The following PLA2G4A variants were observed in gnomAD, a reference collection of about 807,000 sequenced individuals.
The protein encoded by PLA2G4A is cytosolic phospholipase A2.
Under a neutral mutation model 81.9 loss-of-function variants are expected in PLA2G4A, and 40 were observed. The observed-to-expected ratio is 0.49, with a 90% CI of 0.38 to 0.64. The LOEUF is 0.64. Ranked by LOEUF, PLA2G4A falls within the 30% of genes least tolerant of loss-of-function variation. The pLI, the probability that PLA2G4A is intolerant of heterozygous loss-of-function variation, is 0.00. For missense variants in PLA2G4A, 715 were observed against 905.1 expected (o/e 0.79, Z 2.69); for synonymous variants, 302 against 296.9 (o/e 1.02, Z -0.18).
At chr1:186,897,867 G>A (rs1182821351) in intron 5 of PLA2G4A, among the ~76,000 whole-genome samples, 2 of 152,114 alleles carry the variant, frequency 1.3e-5, no homozygotes, top group African/African-American at 4.8e-5. Context: ...ATATGGGTAT[G>A]TTGCATGATA....
At chr1:186,988,345 G>A (rs539941240) in intron 17 of PLA2G4A, 32 bp from the exon 18 acceptor site, 151 of 1,575,050 alleles carry the variant, frequency 9.6e-5, no homozygotes, top group Non-Finnish European at 1.2e-4. Flanking sequence ...TCATAGCAGC[G>A]CTAATTATAC....
chr1:186,906,429 C>T (rs1473811991), intron 5 of PLA2G4A, among the ~76,000 whole-genome samples: 2 of 152,110 alleles, frequency 1.3e-5, no homozygotes, highest in African/African-American at 2.4e-5. Context: ...AGATGTTTCC[C>T]GAGTCAACTA....
intron 13 of PLA2G4A, among the ~76,000 whole-genome samples, chr1:186,951,157 C>T (rs1161636244): frequency 6.6e-6 from 1 of 151,936 alleles, no homozygotes; most frequent in African/African-American, 2.4e-5. Context: ...GACCCTTATC[C>T]CACTGGCTAC....
intron 15 of PLA2G4A, among the ~76,000 whole-genome samples, chr1:186,970,361 C>G (rs1418407270): frequency 6.6e-6 from 1 of 151,860 alleles, no homozygotes; most frequent in Non-Finnish European, 1.5e-5. Context: ...TGGTTCGTCT[C>G]TTTTCTTTGT....
At chr1:186,887,393 C>G (rs1653972791) in intron 3 of PLA2G4A, among the ~76,000 whole-genome samples, 1 of 152,120 alleles carries the variant, frequency 6.6e-6, no homozygotes, top group African/African-American at 2.4e-5. Context: ...TCTGTTATGA[C>G]TTCAGGCAGG....
At chr1:186,866,645 A>G (rs1457757867) in intron 2 of PLA2G4A, among the ~76,000 whole-genome samples, 1 of 152,192 alleles carries the variant, frequency 6.6e-6, no homozygotes, top group African/African-American at 2.4e-5. Context: ...AAAATCAAAT[A>G]TTAAATAATG....
intron 15 of PLA2G4A, among the ~76,000 whole-genome samples, chr1:186,971,102 G>T (rs897006067): frequency 2.6e-5 from 4 of 151,346 alleles, no homozygotes; most frequent in African/African-American, 9.7e-5. Flanking sequence ...TAATCTTTTT[G>T]AATACATTGC....
intron 10 of PLA2G4A, 116 bp downstream of exon 10, chr1:186,940,210 G>C: frequency 1.4e-6 from 1 of 721,880 alleles, no homozygotes; most frequent in Non-Finnish European, 2.6e-6. Flanking sequence ...TGTATTTTCT[G>C]TAACATAAGA....
intron 17 of PLA2G4A, among the ~76,000 whole-genome samples, chr1:186,981,835 T>C (rs1420573468): frequency 6.6e-6 from 1 of 152,300 alleles, no homozygotes; most frequent in East Asian, 1.9e-4. Context: ...CTAACTCATC[T>C]TGAAGAAAGA....
At chr1:186,878,773 A>G (rs576760023) in intron 3 of PLA2G4A, among the ~76,000 whole-genome samples, 1 of 152,016 alleles carries the variant, frequency 6.6e-6, no homozygotes, top group Admixed American at 6.6e-5. Context: ...AGGTCGGATG[A>G]ACACAGTGAA....
At chr1:186,881,156 G>A (rs972481065) in intron 3 of PLA2G4A, among the ~76,000 whole-genome samples, 1 of 151,994 alleles carries the variant, frequency 6.6e-6, no homozygotes, top group African/African-American at 2.4e-5. Context: ...CTTTCTGATA[G>A]TGTCATGCTG....
chr1:186,907,500 A>G (rs1571388563), intron 6 of PLA2G4A, among the ~76,000 whole-genome samples: 1 of 152,230 alleles, frequency 6.6e-6, no homozygotes, highest in Admixed American at 6.5e-5. Flanking sequence ...AATGGCCTCC[A>G]AAACTGAACG....
intron 4 of PLA2G4A, among the ~76,000 whole-genome samples, chr1:186,893,880 C>T (rs984274929): frequency 1.3e-5 from 2 of 148,654 alleles, no homozygotes; most frequent in South Asian, 2.1e-4. Context: ...GCCGAGATCC[C>T]GCCACTGCAC....
At chr1:186,856,886 T>C (rs1652572263) in intron 2 of PLA2G4A, among the ~76,000 whole-genome samples, 1 of 150,304 alleles carries the variant, frequency 6.7e-6, no homozygotes, top group Non-Finnish European at 1.5e-5. Context: ...ATATGTGAAG[T>C]AGTCTGAAGG....
chr1:186,869,218 A>G (rs562846386), intron 2 of PLA2G4A, among the ~76,000 whole-genome samples: 2 of 152,242 alleles, frequency 1.3e-5, no homozygotes, highest in Admixed American at 6.5e-5. Context: ...AAATTTTGAC[A>G]AGGTGTACTG....
intron 2 of PLA2G4A, among the ~76,000 whole-genome samples, chr1:186,862,596 C>A (rs6685652): frequency 0.76 from 116,295 of 152,030 alleles, 45,159 homozygotes; most frequent in Middle Eastern, 0.84. Flanking sequence ...GATAAAATAT[C>A]TAAAATAGTA....
chr1:186,988,731 A>G lies in PLA2G4A; in HGVS notation c.*223A>G. On this transcript the variant is annotated 3_prime_UTR_variant, in exon 18 of 18. Coordinates refer to ENST00000367466, the MANE Select transcript of PLA2G4A (RefSeq NM_024420.3). ...ATACTTAGCTACATTTTCAGTCAGT[A>G]TGAACTTCCTGATACAAATGTAGGG... is the stretch of plus-strand genomic sequence containing the variant. The G allele has an allele frequency of 4.7e-6, 2 of 421,496 alleles. No homozygotes were observed. Among genetic ancestry groups the G allele is most frequent in the South Asian group, 2.2e-5 (1 of 45,026 alleles). The allele number at this position is 421,496 out of a possible 1,614,324, so 26.1% of individuals were successfully genotyped here.
chr1:186,967,352 G>T (rs1038918694), intron 15 of PLA2G4A, among the ~76,000 whole-genome samples: 3 of 146,998 alleles, frequency 2.0e-5, no homozygotes, highest in Admixed American at 6.9e-5. Flanking sequence ...CCACGACCTG[G>T]CTAGGGAAGT....
At chr1:186,871,021 T>C (rs1460175181) in intron 3 of PLA2G4A, among the ~76,000 whole-genome samples, 1 of 152,200 alleles carries the variant, frequency 6.6e-6, no homozygotes, top group African/African-American at 2.4e-5. Context: ...TTGTTCAATT[T>C]TGCTTCTAAA....
Sources: allele counts gnomAD v4.1 joint callset (sites outside exome capture counted in the v4.1 genomes callset), GRCh38; gene constraint gnomAD v4.1.1; transcripts MANE v1.5; gene names NCBI Gene and HGNC (gene_info 2026-07-23, HGNC 2026-07-21).